Variants in PHC2 observed in about 807,000 individuals in gnomAD.
The protein encoded by PHC2 is polyhomeotic-like protein 2.
PHC2 carries 29 observed loss-of-function variants against 87.4 expected under a neutral mutation model. The observed-to-expected ratio is 0.33, with a 90% confidence interval of 0.25 to 0.45. The LOEUF (loss-of-function observed/expected upper bound fraction) is 0.45, where lower values mean the gene tolerates loss of function less well. Among genes scored for constraint, PHC2 ranks in the 20% least tolerant of loss-of-function variants. The pLI, the probability that PHC2 is intolerant of heterozygous loss-of-function variation, is 1.00. For synonymous variants in PHC2, 438 were observed against 461.7 expected, an observed-to-expected ratio of 0.95 and a Z score of 0.66; for missense variants, 857 against 1,136.7, an observed-to-expected ratio of 0.75 and a Z score of 3.54.
chr1:33,397,191 G>C (rs1349955765), intron 1 of PHC2, among the ~76,000 whole-genome samples: 1 of 152,142 alleles, frequency 6.6e-6, no homozygotes, highest in Admixed American at 6.5e-5. Context: ...CCATCACCAG[G>C]CACCAGAGGT....
Position 33,368,018 on chromosome 1 carries a change from C to G in PHC2, c.663+518G>C, listed in dbSNP as rs1467891756. Among the ~76,000 whole-genome samples, 1 of 152,216 alleles carries G rather than the reference C, an allele frequency of 6.6e-6. No homozygotes were observed. The highest frequency in any genetic ancestry group is 1.9e-4 in the East Asian group (1 of 5,182). On this transcript the variant is annotated intron_variant, in intron 6 of 14. Transcript: ENST00000683057. The surrounding 1 kb of genome is among the most constrained non-coding windows in gnomAD (Gnocchi z 6.6). Reference sequence around the variant, plus strand: ...ACCAGCCCTGTCCCATCACCCTCCCCATTCCGTAGATGAGGATGGGGAGAT... The same window carrying G: ...ACCAGCCCTGTCCCATCACCCTCCCGATTCCGTAGATGAGGATGGGGAGAT...
chr1:33,377,604 C>T (rs371251152), intron 1 of PHC2, among the ~76,000 whole-genome samples: 1 of 151,938 alleles, frequency 6.6e-6, no homozygotes, highest in Non-Finnish European at 1.5e-5. Flanking sequence ...GTTCCTTCTA[C>T]CCATTCCTTC....
At chr1:33,425,430 C>A (rs938910934) in intron 1 of PHC2, among the ~76,000 whole-genome samples, 1 of 152,130 alleles carries the variant, frequency 6.6e-6, no homozygotes, top group East Asian at 1.9e-4. Flanking sequence ...CTTTTAACAA[C>A]CATTTACTGA....
intron 1 of PHC2, among the ~76,000 whole-genome samples, chr1:33,401,972 T>C (rs914929637): frequency 6.6e-6 from 1 of 152,138 alleles, no homozygotes; most frequent in African/African-American, 2.4e-5. Context: ...AAAAGACTGA[T>C]ACATTTGACT....
rs1409035753 is a variant in PHC2 at position 33,332,904 on chromosome 1, C to A, written c.1762-500G>T. 6.6e-6 allele frequency among the ~76,000 whole-genome samples: 1 copy of A among 152,170 alleles called. No individual in the cohort carries two copies. The highest frequency in any genetic ancestry group is 6.5e-5 in the Admixed American group (1 of 15,278). ...ACAGAGTATAGCAGGAAAAAACAGA[C>A]CCTGGGCCACAGAGCCAATGAACTC... is the stretch of plus-strand genomic sequence containing the variant. On this transcript the variant is annotated intron_variant, in intron 10 of 14. Coordinates refer to ENST00000683057, the MANE Select transcript of PHC2 (RefSeq NM_001385109.1). This position sits in a 1 kb window ranked among gnomAD's most constrained non-coding sequence, Gnocchi z 4.2.
At chr1:33,397,550 G>A (rs1392511750) in intron 1 of PHC2, among the ~76,000 whole-genome samples, 3 of 152,170 alleles carry the variant, frequency 2.0e-5, no homozygotes, top group Non-Finnish European at 2.9e-5. Flanking sequence ...ATCCATGGCA[G>A]AGACCAGATG....
Position 33,364,318 on chromosome 1 carries a change from A to G in PHC2, c.976+2798T>C, listed in dbSNP as rs1647303849. Reference sequence around the variant, plus strand: ...CAGCTCAAAAAATGCTCCAATAACAAACAAAAAATGTGTGCGCGCTCGCTT... The same window carrying G: ...CAGCTCAAAAAATGCTCCAATAACAGACAAAAAATGTGTGCGCGCTCGCTT... On this transcript the variant is annotated intron_variant, in intron 7 of 14. Transcript: ENST00000683057. This position sits in a 1 kb window ranked among gnomAD's most constrained non-coding sequence, Gnocchi z 4.1. Among the ~76,000 whole-genome samples, 1 of 151,016 alleles carries G rather than the reference A, an allele frequency of 6.6e-6. No individual in the cohort carries two copies. Among genetic ancestry groups the G allele is most frequent in the Non-Finnish European group, 1.5e-5 (1 of 67,772 alleles).
intron 1 of PHC2, among the ~76,000 whole-genome samples, chr1:33,417,407 G>T (rs1448552790): frequency 6.6e-6 from 1 of 151,930 alleles, no homozygotes; most frequent in African/African-American, 2.4e-5. Flanking sequence ...TAAAAATAAA[G>T]ACATATATTG....
At chr1:33,393,966 A>G (rs1649190645) in intron 1 of PHC2, among the ~76,000 whole-genome samples, 1 of 152,228 alleles carries the variant, frequency 6.6e-6, no homozygotes, top group Non-Finnish European at 1.5e-5. Flanking sequence ...TATAGAACCA[A>G]AGAAAAGAAC....
chr1:33,340,708 G>A (rs1391597502), intron 9 of PHC2, among the ~76,000 whole-genome samples: 2 of 152,194 alleles, frequency 1.3e-5, no homozygotes, highest in Non-Finnish European at 2.9e-5. Flanking sequence ...GTGAAGGGTA[G>A]GAAAGTGACT....
At position 33,354,394 on chromosome 1, in the gene PHC2, T is replaced by C. The variant is rs1278040482; in HGVS notation, c.1558+7A>G. Reference sequence around the variant, plus strand: ...CCCCTCCCCCAGGGCCCCACTGTGCTTCATACCGTGAGCTGGGGACGGCTG... The same window carrying C: ...CCCCTCCCCCAGGGCCCCACTGTGCCTCATACCGTGAGCTGGGGACGGCTG... On this transcript the variant is annotated splice_region_variant and intron_variant, in intron 9 of 14. Coordinates refer to ENST00000683057, the MANE Select transcript of PHC2 (RefSeq NM_001385109.1). 1 of 1,610,716 alleles carries C rather than the reference T, an allele frequency of 6.2e-7. No homozygotes were observed. The highest frequency in any genetic ancestry group is 1.3e-5 in the African/African-American group (1 of 74,840).
chr1:33,367,251 G>C lies in PHC2; in HGVS notation c.841C>G (p.Pro281Ala). Residue 281 changes from proline (P) to alanine (A), a missense_variant, in exon 7 of 15, where the codon CCT becomes GCT. Around this residue, in one of 3 missense-constraint regions of PHC2, gnomAD observed 832 missense variants for 1,081.8 expected, o/e 0.77. Transcript: ENST00000683057. ...TAQASPAGAK[P>A]GIADSVMEPH... ...TCCATCACACTGTCAGCTATGCCAG[G>C]CTTGGCACCTGCAGGGGAAGCCTGA... 2 of 1,614,176 alleles carry C rather than the reference G, an allele frequency of 1.2e-6. No individual in the cohort carries two copies. The highest frequency in any genetic ancestry group is 1.7e-6 in the Non-Finnish European group (2 of 1,180,016).
intron 1 of PHC2, among the ~76,000 whole-genome samples, chr1:33,410,275 C>T (rs1470472362): frequency 6.6e-6 from 1 of 152,200 alleles, no homozygotes; most frequent in Non-Finnish European, 1.5e-5. Flanking sequence ...GCTGGCTTTG[C>T]TGCTTTTCCT....
chr1:33,429,562 T>C (rs1650815751), intron 1 of PHC2, among the ~76,000 whole-genome samples: 1 of 152,254 alleles, frequency 6.6e-6, no homozygotes, highest in East Asian at 1.9e-4. Context: ...AGACAGCTAA[T>C]TGTTCCCTCC....
chr1:33,342,126 T>C (rs1172908155), intron 9 of PHC2, among the ~76,000 whole-genome samples: 5 of 152,188 alleles, frequency 3.3e-5, no homozygotes, highest in African/African-American at 9.7e-5. Flanking sequence ...ATGACTGAGA[T>C]CCACACCTGA....
At chr1:33,391,265 A>G (rs1649040685) in intron 1 of PHC2, among the ~76,000 whole-genome samples, 1 of 152,230 alleles carries the variant, frequency 6.6e-6, no homozygotes, top group African/African-American at 2.4e-5. Context: ...GAAGTGGAAC[A>G]GAGATTGTGC....
rs75904545 is a variant in PHC2, at chr1:33,341,437, T to C, written c.1559-7145A>G. ...AGATATCACATGTGGGCTGGAGCAT[T>C]TGGGTTGGGAAGCACAGGATGATCT... On this transcript the variant is annotated intron_variant, in intron 9 of 14. Transcript: ENST00000683057. 4.3e-3 allele frequency among the ~76,000 whole-genome samples: 648 copies of C among 152,300 alleles called. 7 individuals are homozygous for C. Among genetic ancestry groups the C allele is most frequent in the African/African-American group, 0.015 (617 of 41,568 alleles).
In PHC2 at chr1:33,346,768, A is replaced by C. The variant is rs538488549; in HGVS notation, c.1558+7633T>G. 8.1e-6 allele frequency: 8 copies of C among 985,452 alleles called. No individual in the cohort carries two copies. In the South Asian group the frequency reaches 1.4e-4, roughly 17 times the overall value. The allele number at this position is 985,452 out of a possible 1,614,324, so 61.0% of individuals were successfully genotyped here. On this transcript the variant is annotated intron_variant, in intron 9 of 14. Coordinates refer to ENST00000683057, the MANE Select transcript of PHC2 (RefSeq NM_001385109.1). The stretch of plus-strand genomic sequence containing the variant: ...GCCTGGCCTGAGGTCCACAGCCTAA[A>C]GGAGGACAGAGACTTAAGGGAAGAG...
intron 1 of PHC2, among the ~76,000 whole-genome samples, chr1:33,409,459 A>T (rs1470425596): frequency 6.6e-6 from 1 of 152,216 alleles, no homozygotes; most frequent in Non-Finnish European, 1.5e-5. Context: ...TATAAAACAA[A>T]ACATTAACAG....
Sources: gnomAD v4.1 joint callset for allele counts (sites outside exome capture counted in the v4.1 genomes callset) on GRCh38, gnomAD v4.1.1 for gene constraint, gnomAD v4.1.1 regional missense constraint, Gnocchi (gnomAD v3.1) non-coding constraint, MANE v1.5 for transcripts, NCBI Gene and HGNC (gene_info 2026-07-23, HGNC 2026-07-21) for gene names.